The following ITFG1 variants were observed in gnomAD, a reference collection of about 807,000 sequenced individuals.
ITFG1 encodes T-cell immunomodulatory protein.
A neutral mutation model predicts 81.8 loss-of-function variants in ITFG1; 34 were observed. That is an observed-to-expected ratio of 0.42 (90% CI 0.32 to 0.55). ITFG1 has a LOEUF of 0.55. Among genes scored for constraint, ITFG1 ranks in the 20% least tolerant of loss-of-function variants. The probability of loss-of-function intolerance (pLI) is 0.17; values close to 1 mark genes in which losing one functional copy is unlikely to be tolerated. For synonymous variants in ITFG1, 285 were observed against 270.6 expected (o/e 1.05, Z -0.52); for missense variants, 672 against 755.4 (o/e 0.89, Z 1.29).
chr16:47,280,510 AT>A (rs746209874), intron 10 of ITFG1, among the ~76,000 whole-genome samples: 2 of 152,136 alleles, frequency 1.3e-5, no homozygotes, highest in Non-Finnish European at 2.9e-5. Context: ...ATAATGGGAA[AT>A]ATATATTTGG....
At chr16:47,396,285 C>T (rs895828798) in intron 6 of ITFG1, 12 of 344,742 alleles carry the variant, frequency 3.5e-5, no homozygotes, top group Admixed American at 6.5e-5. Flanking sequence ...GCTTGCTTCT[C>T]CAATGGGAGC....
At chr16:47,252,746 G>A (rs115961259) in intron 12 of ITFG1, among the ~76,000 whole-genome samples, 84 of 152,282 alleles carry the variant, frequency 5.5e-4, no homozygotes, top group African/African-American at 1.9e-3. Context: ...GAAAAACAGT[G>A]GCATTTAGTA....
intron 8 of ITFG1, among the ~76,000 whole-genome samples, chr16:47,321,900 G>A (rs1939772554): frequency 6.6e-6 from 1 of 152,038 alleles, no homozygotes; most frequent in African/African-American, 2.4e-5. Flanking sequence ...TGTGAAACAA[G>A]TGCTAATACA....
At chr16:47,200,715 TC>T (rs1391316740) in intron 14 of ITFG1, among the ~76,000 whole-genome samples, 2 of 152,184 alleles carry the variant, frequency 1.3e-5, no homozygotes, top group African/African-American at 4.8e-5. Flanking sequence ...CTCTTTGGAC[TC>T]CTGAAGGAGC....
chr16:47,247,954 GA>G (rs1966022393), intron 12 of ITFG1, among the ~76,000 whole-genome samples: 1 of 152,122 alleles, frequency 6.6e-6, no homozygotes, highest in Non-Finnish European at 1.5e-5. Context: ...CTCAATGTCA[GA>G]AATGCAGAGC....
chr16:47,400,847 GA>G (rs943571283), intron 6 of ITFG1, among the ~76,000 whole-genome samples: 4 of 152,232 alleles, frequency 2.6e-5, no homozygotes, highest in African/African-American at 9.6e-5. Context: ...ACTTGGCGGG[GA>G]CCAGACCAGA....
chr16:47,281,576 T>C (rs954022217), intron 10 of ITFG1, among the ~76,000 whole-genome samples: 2 of 152,208 alleles, frequency 1.3e-5, no homozygotes, highest in Admixed American at 6.5e-5. Flanking sequence ...ATGGTTCCTA[T>C]GATCTATTTC....
At chr16:47,264,764 C>T (rs1237521069) in intron 10 of ITFG1, among the ~76,000 whole-genome samples, 2 of 152,058 alleles carry the variant, frequency 1.3e-5, no homozygotes, top group Non-Finnish European at 2.9e-5. Context: ...CATATCTTGC[C>T]GGTATTAGTA....
intron 10 of ITFG1, among the ~76,000 whole-genome samples, chr16:47,262,451 AC>A (rs1966221252): frequency 2.0e-5 from 3 of 152,208 alleles, no homozygotes; most frequent in Admixed American, 2.0e-4. Context: ...GATGTAGCAC[AC>A]TCTGTTATTA....
chr16:47,154,522 T>C lies in ITFG1; in HGVS notation c.*1197A>G, dbSNP rs1964673572. The C allele has an allele frequency of 6.6e-6, 1 of 152,206 alleles. No homozygotes were observed. The highest frequency in any genetic ancestry group is 2.1e-4 in the South Asian group (1 of 4,828). 9.4% of individuals were successfully genotyped at this position (152,206 alleles called of 1,614,324 possible). ...TGTTTTCAGAGAAATTTTTGTGTTT[T>C]ATAGGCATCACATGTCCATTTGCAT... On this transcript the variant is annotated 3_prime_UTR_variant, in exon 18 of 18. Transcript: ENST00000320640.
At chr16:47,189,151 C>G (rs1167724314) in intron 14 of ITFG1, among the ~76,000 whole-genome samples, 1 of 152,200 alleles carries the variant, frequency 6.6e-6, no homozygotes, top group Non-Finnish European at 1.5e-5. Context: ...TCTTGTCAGC[C>G]TACTTCCCAG....
At chr16:47,369,700 A>G (rs1395507051) in intron 7 of ITFG1, among the ~76,000 whole-genome samples, 3 of 152,184 alleles carry the variant, frequency 2.0e-5, no homozygotes, top group African/African-American at 7.2e-5. Flanking sequence ...TTAAAAACTG[A>G]TAAATAATTA....
intron 14 of ITFG1, among the ~76,000 whole-genome samples, chr16:47,167,150 T>C (rs1231455824): frequency 6.6e-6 from 1 of 152,208 alleles, no homozygotes; most frequent in African/African-American, 2.4e-5. Context: ...TTGTCTACTC[T>C]AGATACCTCA....
At chr16:47,436,122 C>A (rs1047640102) in intron 5 of ITFG1, among the ~76,000 whole-genome samples, 32 of 152,102 alleles carry the variant, frequency 2.1e-4, no homozygotes, top group African/African-American at 7.5e-4. Flanking sequence ...AAAACTTTAT[C>A]ATGATGTAAA....
In ITFG1 at chr16:47,183,107, C is replaced by T. The variant is rs886632250; in HGVS notation, c.1454-20443G>A. Reference sequence around the variant, plus strand: ...AAGAGATTATATCCCGCATCTGGCTCGCACCTGGCTTGGAGGGTCCTACGC... The same window carrying T: ...AAGAGATTATATCCCGCATCTGGCTTGCACCTGGCTTGGAGGGTCCTACGC... On this transcript the variant is annotated intron_variant, in intron 14 of 17. Transcript: ENST00000320640. Among the ~76,000 whole-genome samples the T allele has an allele frequency of 1.3e-4, 20 of 152,362 alleles. No homozygotes were observed. In the East Asian group the frequency reaches 1.7e-3, roughly 13 times the overall value.
intron 14 of ITFG1, among the ~76,000 whole-genome samples, chr16:47,189,128 C>T (rs768053638): frequency 6.6e-5 from 10 of 152,142 alleles, no homozygotes; most frequent in Non-Finnish European, 1.0e-4. Flanking sequence ...GAAATTGGAA[C>T]CCTGGTTCAA....
chr16:47,315,895 A>G (rs1967349753), intron 8 of ITFG1, among the ~76,000 whole-genome samples: 1 of 152,002 alleles, frequency 6.6e-6, no homozygotes, highest in Admixed American at 6.6e-5. Flanking sequence ...GGTTCAAGCA[A>G]TTCTCATGCC....
chr16:47,383,597 A>G (rs1968422167), intron 6 of ITFG1, among the ~76,000 whole-genome samples: 1 of 152,218 alleles, frequency 6.6e-6, no homozygotes, highest in Admixed American at 6.5e-5. Context: ...ATTTCTGAGT[A>G]TTTATTTCCT....
At chr16:47,437,901 A>G (rs1321635950) in intron 5 of ITFG1, among the ~76,000 whole-genome samples, 2 of 152,290 alleles carry the variant, frequency 1.3e-5, no homozygotes, top group South Asian at 2.1e-4. Context: ...TCACCTGGGA[A>G]GCGCAAGGGG....
Sources: gnomAD v4.1 joint callset for allele counts (sites outside exome capture counted in the v4.1 genomes callset) on GRCh38, gnomAD v4.1.1 for gene constraint, MANE v1.5 for transcripts, NCBI Gene and HGNC (gene_info 2026-07-23, HGNC 2026-07-21) for gene names.